Variants in NDUFAF6 observed in about 807,000 individuals in gnomAD.
NDUFAF6 encodes the protein NADH dehydrogenase (ubiquinone) complex I, assembly factor 6.
A neutral mutation model predicts 40.8 loss-of-function variants in NDUFAF6; 45 were observed. The ratio of observed to expected loss-of-function variants is 1.10; its 90% confidence interval spans 0.87 to 1.42. The LOEUF (loss-of-function observed/expected upper bound fraction) is 1.42, where lower values mean the gene tolerates loss of function less well. Ranked by LOEUF, NDUFAF6 falls within the 40% of genes most tolerant of loss-of-function variation. The pLI, the probability that NDUFAF6 is intolerant of heterozygous loss-of-function variation, is 0.00. For synonymous variants in NDUFAF6, 185 were observed against 155.9 expected (o/e 1.19, Z -1.39); for missense variants, 435 against 418.5 (o/e 1.04, Z -0.34).
chr8:95,079,174 G>C (rs1415550545), downstream of NDUFAF6, among the ~76,000 whole-genome samples: 1 of 152,010 alleles, frequency 6.6e-6, no homozygotes, highest in Admixed American at 6.6e-5. Context: ...ATTTCTCCAT[G>C]TTGGTCAGGC....
At chr8:94,942,863 A>G (rs1255819539) in intron 1 of NDUFAF6, among the ~76,000 whole-genome samples, 2 of 152,130 alleles carry the variant, frequency 1.3e-5, no homozygotes, top group African/African-American at 4.8e-5. Flanking sequence ...GTCCAGAGGG[A>G]GGGTCACAAT....
intron 1 of NDUFAF6, chr8:94,930,317 G>A (rs531375044): frequency 3.2e-6 from 3 of 940,108 alleles, no homozygotes; most frequent in South Asian, 3.5e-5. Flanking sequence ...GTGATACACA[G>A]CATATAAATC....
At chr8:94,915,138 A>G (rs1179593643) in intron 1 of NDUFAF6, among the ~76,000 whole-genome samples, 4 of 150,932 alleles carry the variant, frequency 2.7e-5, no homozygotes, top group Non-Finnish European at 5.9e-5. Flanking sequence ...TTTTTAAGAG[A>G]TGGGGTCTCC....
At chr8:94,904,411 C>T (rs185911008) in intron 1 of NDUFAF6, among the ~76,000 whole-genome samples, 2,945 of 134,446 alleles carry the variant, frequency 0.022, 32 homozygotes, top group African/African-American at 0.035. Flanking sequence ...CTCCTGACCT[C>T]GTGATCTGCC....
At chr8:95,111,108 C>T (rs1809988839) in intron 4 of NDUFAF6, among the ~76,000 whole-genome samples, 3 of 152,126 alleles carry the variant, frequency 2.0e-5, no homozygotes, top group South Asian at 4.1e-4. Context: ...CAAGAGCAGC[C>T]AGGGGGTAGC....
chr8:95,108,276 A>C (rs919121462), downstream of NDUFAF6, among the ~76,000 whole-genome samples: 1 of 152,222 alleles, frequency 6.6e-6, no homozygotes, highest in Admixed American at 6.5e-5. Context: ...TCATAGCAGC[A>C]CTATTTGGAA....
chr8:94,913,280 G>A (rs1044239234), intron 1 of NDUFAF6, among the ~76,000 whole-genome samples: 7 of 152,174 alleles, frequency 4.6e-5, no homozygotes, highest in African/African-American at 4.8e-5. Context: ...TTAAGGACTC[G>A]TTGCCCCCCA....
chr8:95,086,016 C>T (rs1809032521), intron 2 of NDUFAF6, among the ~76,000 whole-genome samples: 1 of 152,178 alleles, frequency 6.6e-6, no homozygotes, highest in African/African-American at 2.4e-5. Context: ...ATTATCCTGT[C>T]ACATGATCCA....
chr8:94,943,517 T>C (rs11784717), intron 1 of NDUFAF6, among the ~76,000 whole-genome samples: 100,691 of 151,960 alleles, frequency 0.66, 33,826 homozygotes, highest in East Asian at 0.79. Context: ...TATGAGATCA[T>C]CCAGGGCTGA....
chr8:95,018,378 T>C (rs1421812551), intron 2 of NDUFAF6, among the ~76,000 whole-genome samples: 2 of 152,046 alleles, frequency 1.3e-5, no homozygotes, highest in African/African-American at 4.8e-5. Flanking sequence ...ACCAATACAG[T>C]GAGGGTTTCT....
intron 1 of NDUFAF6, among the ~76,000 whole-genome samples, chr8:94,910,874 TATA>T (rs1818735881): frequency 5.2e-4 from 5 of 9,590 alleles, no homozygotes; most frequent in South Asian, 4.1e-3. Flanking sequence ...ATGGTTCATC[TATA>T]GTATAGTATA....
chr8:95,018,626 C>T (rs927543006), intron 2 of NDUFAF6, among the ~76,000 whole-genome samples: 3 of 152,196 alleles, frequency 2.0e-5, no homozygotes, highest in Non-Finnish European at 2.9e-5. Context: ...GCAACCCAGA[C>T]ATTGGGATAA....
chr8:95,079,361 A>G (rs1340890544), downstream of NDUFAF6, among the ~76,000 whole-genome samples: 3 of 152,238 alleles, frequency 2.0e-5, no homozygotes, highest in Non-Finnish European at 2.9e-5. Context: ...CATAAAAAAC[A>G]TTAAGGATAT....
At chr8:94,982,282 C>A (rs116198998) in intron 2 of NDUFAF6, among the ~76,000 whole-genome samples, 1 of 152,064 alleles carries the variant, frequency 6.6e-6, no homozygotes, top group African/African-American at 2.4e-5. Context: ...TTTAGATACA[C>A]AAATACTATT....
intron 2 of NDUFAF6, among the ~76,000 whole-genome samples, chr8:95,005,099 A>C (rs960334855): frequency 1.9e-4 from 29 of 152,262 alleles, no homozygotes; most frequent in Admixed American, 1.6e-3. Flanking sequence ...TTCCCATCCA[A>C]TCTTGAGTAA....
chr8:94,939,799 A>G, intron 1 of NDUFAF6: 1 of 1,563,066 alleles, frequency 6.4e-7, no homozygotes, highest in Non-Finnish European at 8.7e-7. Flanking sequence ...TTTGAATTAC[A>G]GTAGAGACAA....
intron 9 of NDUFAF6, among the ~76,000 whole-genome samples, chr8:95,071,084 AT>A (rs534809181): frequency 5.6e-4 from 86 of 152,262 alleles, no homozygotes; most frequent in African/African-American, 2.0e-3. Flanking sequence ...ATACCATATG[AT>A]TAATATTAAA....
At chr8:95,077,817 G>A (rs1041205166), downstream of NDUFAF6, among the ~76,000 whole-genome samples, 2 of 152,160 alleles carry the variant, frequency 1.3e-5, no homozygotes, top group Non-Finnish European at 2.9e-5. Context: ...GTGACCAGAA[G>A]CAAGCTCTTA....
intron 2 of NDUFAF6, among the ~76,000 whole-genome samples, chr8:94,989,826 A>G (rs1826116559): frequency 6.6e-6 from 1 of 152,082 alleles, no homozygotes; most frequent in South Asian, 2.1e-4. Context: ...TCCTATACTC[A>G]AGCGATCCTC....
Sources: allele counts gnomAD v4.1 joint callset (sites outside exome capture counted in the v4.1 genomes callset), GRCh38; gene constraint gnomAD v4.1.1; transcripts MANE v1.5; gene names NCBI Gene and HGNC (gene_info 2026-07-23, HGNC 2026-07-21).